The following SLC24A2 variants were observed in gnomAD, a reference collection of about 807,000 sequenced individuals.
SLC24A2 encodes the protein sodium/potassium/calcium exchanger 2.
In SLC24A2, 36 loss-of-function variants were observed where a neutral mutation model predicts 62.0. The observed-to-expected ratio is 0.58, with a 90% CI of 0.44 to 0.77. The LOEUF is 0.77. Among genes scored for constraint, SLC24A2 ranks in the 30% least tolerant of loss-of-function variants. SLC24A2 has a pLI of 0.00. For missense variants in SLC24A2, 846 were observed against 817.9 expected (o/e 1.03, Z -0.42); for synonymous variants, 358 against 294.0 (o/e 1.22, Z -2.23).
the SLC24A2 span, among the ~76,000 whole-genome samples, chr9:20,067,823 T>C: frequency 6.6e-6 from 1 of 152,164 alleles, no homozygotes; most frequent in Non-Finnish European, 1.5e-5. Flanking sequence ...TCTTTGCTAT[T>C]GTGAATAGTG....
intron 2 of SLC24A2, among the ~76,000 whole-genome samples, chr9:19,655,982 G>C (rs1329309893): frequency 1.3e-5 from 2 of 152,112 alleles, no homozygotes; most frequent in East Asian, 3.9e-4. Context: ...GTAGTCATTT[G>C]TTCTAACTGC....
the SLC24A2 span, among the ~76,000 whole-genome samples, chr9:20,080,031 T>G: frequency 6.6e-6 from 1 of 152,072 alleles, no homozygotes; most frequent in Non-Finnish European, 1.5e-5. Flanking sequence ...GAATCAATAT[T>G]GTGAAAATGG....
intron 7 of SLC24A2, among the ~76,000 whole-genome samples, chr9:19,552,851 A>G (rs373647952): frequency 6.6e-6 from 1 of 152,246 alleles, no homozygotes; most frequent in Non-Finnish European, 1.5e-5. Flanking sequence ...GCAGAAAATA[A>G]TAATTGTCTG....
At chr9:19,662,971 C>T (rs138742451) in intron 2 of SLC24A2, among the ~76,000 whole-genome samples, 176 of 152,266 alleles carry the variant, frequency 1.2e-3, no homozygotes, top group African/African-American at 3.9e-3. Flanking sequence ...TGCAGGAATG[C>T]TACATAGCAT....
At chr9:20,078,494 C>A in the SLC24A2 span, among the ~76,000 whole-genome samples, 1 of 152,136 alleles carries the variant, frequency 6.6e-6, no homozygotes, top group Admixed American at 6.5e-5. Flanking sequence ...ACAAGATGGT[C>A]AGGTTTATCT....
the SLC24A2 span, among the ~76,000 whole-genome samples, chr9:20,139,209 G>A: frequency 6.6e-6 from 1 of 152,138 alleles, no homozygotes; most frequent in Non-Finnish European, 1.5e-5. Context: ...AAAGGCCTCT[G>A]AGAACTGTCT....
At position 19,511,486 on chromosome 9, in the gene SLC24A2, C is replaced by G. The variant is rs987450708; in HGVS notation, c.*4667G>C. ...TACATAGGGATATATTTCCACGTGA[C>G]ACTTGTTTTCTTGGAATCCTAGGAA... On this transcript the variant is annotated 3_prime_UTR_variant, in exon 11 of 11. Transcript: ENST00000341998. The G allele has an allele frequency of 6.6e-6, 1 of 152,130 alleles. No homozygotes were observed. Among genetic ancestry groups the G allele is most frequent in the African/African-American group, 2.4e-5 (1 of 41,408 alleles). The allele number at this position is 152,130 out of a possible 1,614,324, so 9.4% of individuals were successfully genotyped here.
At chr9:19,909,101 G>A in the SLC24A2 span, among the ~76,000 whole-genome samples, 1 of 152,198 alleles carries the variant, frequency 6.6e-6, no homozygotes, top group African/African-American at 2.4e-5. Flanking sequence ...AACAACGATA[G>A]ACTGGATTAA....
the SLC24A2 span, among the ~76,000 whole-genome samples, chr9:20,048,794 G>C: frequency 2.6e-5 from 4 of 151,148 alleles, no homozygotes; most frequent in Middle Eastern, 3.4e-3. Context: ...TTTATAAGTA[G>C]CAAAACCAAA....
chr9:20,113,583 T>C, the SLC24A2 span, among the ~76,000 whole-genome samples: 1 of 152,200 alleles, frequency 6.6e-6, no homozygotes, highest in Non-Finnish European at 1.5e-5. Context: ...CTATAATTAT[T>C]CTATATTGGT....
intron 2 of SLC24A2, among the ~76,000 whole-genome samples, chr9:19,648,330 G>T (rs962686186): frequency 6.6e-6 from 1 of 152,148 alleles, no homozygotes; most frequent in African/African-American, 2.4e-5. Context: ...CAGATTAAAT[G>T]AATTCAGAGA....
chr9:20,164,667 A>G, the SLC24A2 span, among the ~76,000 whole-genome samples: 1 of 151,906 alleles, frequency 6.6e-6, no homozygotes, highest in Non-Finnish European at 1.5e-5. Context: ...TCATGCTGCT[A>G]TAAAGACACA....
the SLC24A2 span, among the ~76,000 whole-genome samples, chr9:20,278,332 A>C: frequency 6.6e-6 from 1 of 152,170 alleles, no homozygotes; most frequent in Non-Finnish European, 1.5e-5. Flanking sequence ...CTTCCCTTTT[A>C]AATATAAGTT....
At chr9:20,006,512 A>T in the SLC24A2 span, among the ~76,000 whole-genome samples, 4 of 152,152 alleles carry the variant, frequency 2.6e-5, no homozygotes, top group African/African-American at 9.6e-5. Flanking sequence ...GCTTGAGGGG[A>T]TGAATAGCCA....
chr9:19,700,690 A>T (rs1820331376), intron 2 of SLC24A2, among the ~76,000 whole-genome samples: 1 of 152,190 alleles, frequency 6.6e-6, no homozygotes, highest in Admixed American at 6.5e-5. Context: ...TATTTCAGCA[A>T]TTAGATCTCC....
At chr9:19,606,604 G>C (rs1213256712) in intron 4 of SLC24A2, among the ~76,000 whole-genome samples, 1 of 152,168 alleles carries the variant, frequency 6.6e-6, no homozygotes, top group Non-Finnish European at 1.5e-5. Context: ...TCATATGTCA[G>C]CTTGCAATGG....
chr9:19,604,505 A>C (rs2132918728), intron 4 of SLC24A2, among the ~76,000 whole-genome samples: 1 of 152,340 alleles, frequency 6.6e-6, no homozygotes, highest in South Asian at 2.1e-4. Context: ...TTTGCTAGGC[A>C]AAGAGAATCA....
chr9:19,917,791 T>C, the SLC24A2 span, among the ~76,000 whole-genome samples: 2 of 152,160 alleles, frequency 1.3e-5, no homozygotes, highest in Non-Finnish European at 2.9e-5. Flanking sequence ...TATTTGCTTA[T>C]AGTTATTACG....
intron 2 of SLC24A2, among the ~76,000 whole-genome samples, chr9:19,752,092 T>G (rs868076631): frequency 6.6e-6 from 1 of 152,186 alleles, no homozygotes; most frequent in Non-Finnish European, 1.5e-5. Context: ...AATGTTCATT[T>G]GATGAGTGCT....
Sources: gnomAD v4.1 joint callset for allele counts (sites outside exome capture counted in the v4.1 genomes callset) on GRCh38, gnomAD v4.1.1 for gene constraint, MANE v1.5 for transcripts, NCBI Gene and HGNC (gene_info 2026-07-23, HGNC 2026-07-21) for gene names.